The following KCNB2 variants were observed in gnomAD, a reference collection of about 807,000 sequenced individuals.
KCNB2 encodes potassium voltage-gated channel subfamily B member 2, also known as delayed rectifier potassium channel protein.
In KCNB2, 15 loss-of-function variants were observed where a neutral mutation model predicts 61.5. The observed-to-expected ratio is 0.24, with a 90% confidence interval of 0.16 to 0.38. The LOEUF is 0.38. Among genes scored for constraint, KCNB2 ranks in the 10% least tolerant of loss-of-function variants. The pLI is 1.00. For missense variants in KCNB2, 828 were observed against 1,125.2 expected (o/e 0.74, Z 3.78); for synonymous variants, 457 against 446.0 (o/e 1.02, Z -0.31).
intron 2 of KCNB2, among the ~76,000 whole-genome samples, chr8:72,739,233 A>C (rs1019247538): frequency 1.1e-4 from 17 of 151,498 alleles, no homozygotes; most frequent in African/African-American, 3.9e-4. Context: ...GTCTCCTCCC[A>C]ACCCCCACCC....
chr8:72,666,328 A>C (rs1452530703), intron 2 of KCNB2, among the ~76,000 whole-genome samples: 4 of 134,704 alleles, frequency 3.0e-5, no homozygotes, highest in African/African-American at 1.5e-4. Context: ...TCTGCTGCTT[A>C]AAAGAGGGAA....
At chr8:72,810,257 G>A (rs1475236844) in intron 2 of KCNB2, among the ~76,000 whole-genome samples, 3 of 152,236 alleles carry the variant, frequency 2.0e-5, no homozygotes, top group Non-Finnish European at 4.4e-5. Context: ...AGGCTGCAAG[G>A]TTAGGAGCAG....
intron 2 of KCNB2, among the ~76,000 whole-genome samples, chr8:72,620,297 C>T (rs1045199608): frequency 6.6e-5 from 10 of 152,212 alleles, no homozygotes; most frequent in Admixed American, 2.0e-4. Flanking sequence ...ATCATTGTTT[C>T]TCCAGAATCT....
In KCNB2 at chr8:72,937,686, T is replaced by A; in HGVS notation, c.2331T>A (p.Cys777Ter). 1 of 1,613,996 alleles carries A rather than the reference T, an allele frequency of 6.2e-7. No homozygotes were observed. The highest frequency in any genetic ancestry group is 8.5e-7 in the Non-Finnish European group (1 of 1,179,984). The change falls in exon 3 of 3, where the codon TGT becomes TGA. Residue 777 changes from cysteine (C) to a stop codon, truncating the protein, a stop_gained. Coordinates refer to ENST00000523207, the MANE Select transcript of KCNB2 (RefSeq NM_004770.3). LOFTEE classifies it high-confidence loss of function. ...PLLGTEVSAP[C>*]QGPSKGLSPR... is the part of the protein sequence containing the mutation. The stretch of plus-strand genomic sequence containing the variant: ...TGGGCACTGAGGTTTCAGCGCCTTG[T>A]CAGGGACCTTCCAAAGGGCTGTCCC...
chr8:72,566,049 C>A (rs1806619714), intron 1 of KCNB2, among the ~76,000 whole-genome samples: 1 of 152,012 alleles, frequency 6.6e-6, no homozygotes. Context: ...TCTTGAAAAG[C>A]AAGTACTAGT....
intron 2 of KCNB2, among the ~76,000 whole-genome samples, chr8:72,814,912 C>T (rs1172351795): frequency 6.6e-6 from 1 of 151,948 alleles, no homozygotes; most frequent in Non-Finnish European, 1.5e-5. Context: ...ATGATAATAA[C>T]TAGAAAAATT....
intron 2 of KCNB2, among the ~76,000 whole-genome samples, chr8:72,767,980 TC>T (rs1232953094): frequency 6.6e-6 from 1 of 152,228 alleles, no homozygotes; most frequent in Non-Finnish European, 1.5e-5. Flanking sequence ...ATGTTTTACA[TC>T]GTTTCATGTG....
At chr8:72,775,209 G>A (rs987173224) in intron 2 of KCNB2, among the ~76,000 whole-genome samples, 1 of 152,180 alleles carries the variant, frequency 6.6e-6, no homozygotes, top group African/African-American at 2.4e-5. Flanking sequence ...GGAACAGACA[G>A]TGACTGAAAA....
intron 2 of KCNB2, among the ~76,000 whole-genome samples, chr8:72,692,128 C>T (rs2252322): frequency 0.12 from 18,249 of 148,690 alleles, 1,300 homozygotes; most frequent in African/African-American, 0.19. Flanking sequence ...CCCAACTACT[C>T]GGGAGGCTGA....
chr8:72,628,500 GT>G (rs1805830007), intron 2 of KCNB2, among the ~76,000 whole-genome samples: 1 of 150,440 alleles, frequency 6.6e-6, no homozygotes. Flanking sequence ...TTTCACAGTG[GT>G]TTAGCAGGTT....
intron 2 of KCNB2, among the ~76,000 whole-genome samples, chr8:72,604,930 A>G (rs1434774186): frequency 6.6e-6 from 1 of 152,208 alleles, no homozygotes; most frequent in Non-Finnish European, 1.5e-5. Context: ...ATTCTTGACA[A>G]GCTTTCCATG....
rs1297220663 is a variant in KCNB2, at chr8:72,859,706, CGTTTTTTTTTTTT to C, written c.580-76228_580-76216del. Among the ~76,000 whole-genome samples the C allele has an allele frequency of 6.5e-4, 48 of 73,448 alleles. 7 individuals carry two copies. The highest frequency in any genetic ancestry group is 4.8e-4 in the East Asian group (1 of 2,094). 48.2% of individuals were successfully genotyped at this position (73,448 alleles called of 152,430 possible). A position where few individuals can be genotyped will look rare whatever the true frequency, so the allele number is the denominator to read the frequency against. On this transcript the variant is annotated intron_variant, in intron 2 of 2. Coordinates refer to ENST00000523207, the MANE Select transcript of KCNB2 (RefSeq NM_004770.3). Reference sequence around the variant, plus strand: ...TGTAGCATGGATCAGTACTTCATTTCGTTTTTTTTTTTTTTTTTTTTTTTTTTTTTGAGATGGA... The same window carrying C: ...TGTAGCATGGATCAGTACTTCATTTCTTTTTTTTTTTTTTTTTGAGATGGA...
chr8:72,553,246 C>T (rs1430093104), intron 1 of KCNB2, among the ~76,000 whole-genome samples: 1 of 151,838 alleles, frequency 6.6e-6, no homozygotes, highest in African/African-American at 2.4e-5. Flanking sequence ...TTGGTTTTTC[C>T]CAGTTTTCAC....
intron 2 of KCNB2, among the ~76,000 whole-genome samples, chr8:72,569,305 T>G (rs1806675389): frequency 6.6e-6 from 1 of 152,176 alleles, no homozygotes; most frequent in Non-Finnish European, 1.5e-5. Flanking sequence ...TGATTTACTG[T>G]TTTTTTCTAA....
intron 2 of KCNB2, among the ~76,000 whole-genome samples, chr8:72,580,413 T>A (rs1806872696): frequency 6.6e-6 from 1 of 152,208 alleles, no homozygotes; most frequent in African/African-American, 2.4e-5. Flanking sequence ...CACAGTTGTA[T>A]TTCTAGTTGT....
In KCNB2 at chr8:72,756,317, A is replaced by C. The variant is rs150935326; in HGVS notation, c.580-179618A>C. Among the ~76,000 whole-genome samples, 461 of 152,218 alleles carry C rather than the reference A, an allele frequency of 3.0e-3. 2 individuals carry two copies. Among genetic ancestry groups the C allele is most frequent in the African/African-American group, 0.011 (439 of 41,560 alleles). ...ATACCCTGTCCCATCACACTGCCCC[A>C]GTCCTCAGTTATCCTCCACTCTGAG... On this transcript the variant is annotated intron_variant, in intron 2 of 2. Coordinates refer to ENST00000523207, the MANE Select transcript of KCNB2 (RefSeq NM_004770.3).
At chr8:72,726,764 A>T (rs1396812219) in intron 2 of KCNB2, among the ~76,000 whole-genome samples, 2 of 152,056 alleles carry the variant, frequency 1.3e-5, no homozygotes, top group African/African-American at 4.8e-5. Flanking sequence ...CAATTAAGAG[A>T]TTTTTTTGTT....
At chr8:72,684,212 A>G (rs1007134459) in intron 2 of KCNB2, among the ~76,000 whole-genome samples, 1 of 152,214 alleles carries the variant, frequency 6.6e-6, no homozygotes, top group Non-Finnish European at 1.5e-5. Context: ...GTGGCTTTCA[A>G]GTTCCTGGCT....
chr8:72,821,852 AG>A (rs1563395226), intron 2 of KCNB2, among the ~76,000 whole-genome samples: 1 of 152,172 alleles, frequency 6.6e-6, no homozygotes, highest in Non-Finnish European at 1.5e-5. Flanking sequence ...GGACGGAGAC[AG>A]AGAGACAAAG....
Sources: gnomAD v4.1 joint callset for allele counts (sites outside exome capture counted in the v4.1 genomes callset) on GRCh38, gnomAD v4.1.1 for gene constraint, MANE v1.5 for transcripts, NCBI Gene and HGNC (gene_info 2026-07-23, HGNC 2026-07-21) for gene names.